Variants in HEATR4 observed in about 807,000 individuals in gnomAD.
HEATR4 encodes HEAT repeat containing 4, also known as HEAT repeat-containing protein 4.
HEATR4 carries 95 observed loss-of-function variants against 108.8 expected under a neutral mutation model. That is an observed-to-expected ratio of 0.87 (90% CI 0.74 to 1.04). The LOEUF (loss-of-function observed/expected upper bound fraction) is 1.04. HEATR4 is among the 50% of genes least tolerant of loss of function. The pLI is 0.00. For missense variants in HEATR4, 1,152 were observed against 1,253.8 expected (o/e 0.92, Z 1.23); for synonymous variants, 443 against 459.4 (o/e 0.96, Z 0.46).
At chr14:73,512,887 A>G (rs1887351634) in intron 6 of HEATR4, among the ~76,000 whole-genome samples, 1 of 152,132 alleles carries the variant, frequency 6.6e-6, no homozygotes, top group Non-Finnish European at 1.5e-5. Context: ...GCACTAACTA[A>G]GCTTGTCTAT....
At chr14:73,505,319 T>C (rs1886739334) in intron 10 of HEATR4, among the ~76,000 whole-genome samples, 1 of 152,200 alleles carries the variant, frequency 6.6e-6, no homozygotes, top group African/African-American at 2.4e-5. Flanking sequence ...CTTGAATCAT[T>C]TGTGTATATT....
At chr14:73,604,903 G>C in the HEATR4 span, among the ~76,000 whole-genome samples, 2 of 152,166 alleles carry the variant, frequency 1.3e-5, no homozygotes, top group Non-Finnish European at 2.9e-5. Flanking sequence ...GACAAAAACA[G>C]ATTTTGAGAG....
intron 6 of HEATR4, among the ~76,000 whole-genome samples, chr14:73,512,800 T>C (rs1449854267): frequency 6.6e-6 from 1 of 152,248 alleles, no homozygotes; most frequent in African/African-American, 2.4e-5. Flanking sequence ...TCCTATTATC[T>C]GTAGGTGTTT....
the HEATR4 span, among the ~76,000 whole-genome samples, chr14:73,564,815 C>A: frequency 6.8e-6 from 1 of 147,002 alleles, no homozygotes; most frequent in Non-Finnish European, 1.5e-5. Flanking sequence ...CAATCTCCTG[C>A]CTAGGACTCC....
At chr14:73,512,896 A>T (rs147718212) in intron 6 of HEATR4, among the ~76,000 whole-genome samples, 1 of 152,168 alleles carries the variant, frequency 6.6e-6, no homozygotes, top group African/African-American at 2.4e-5. Context: ...AAGCTTGTCT[A>T]TCATGTTCTG....
At position 73,548,413 on chromosome 14, in the gene HEATR4, C is replaced by T. The variant is rs1255763290; in HGVS notation, c.-152+10338G>A. ...AGGAGTTGTCGGGTGGCGTGACCTG[C>T]TCCACTGGCTTGTTTTGAAGTATTG... On this transcript the variant is annotated intron_variant, in intron 1 of 17. Coordinates refer to ENST00000553558, the MANE Select transcript of HEATR4 (RefSeq NM_001220484.1). Among the ~76,000 whole-genome samples, 7 of 114,790 alleles carry T rather than the reference C, an allele frequency of 6.1e-5. 1 individual carries two copies. Among genetic ancestry groups the T allele is most frequent in the Non-Finnish European group, 1.3e-4 (7 of 52,646 alleles). The allele number at this position is 114,790 out of a possible 152,430, so 75.3% of individuals were successfully genotyped here. A position where few individuals can be genotyped will look rare whatever the true frequency, so the allele number is the denominator to read the frequency against.
the HEATR4 span, among the ~76,000 whole-genome samples, chr14:73,601,520 C>T: frequency 2.1e-3 from 316 of 152,044 alleles, 5 homozygotes; most frequent in Admixed American, 0.016. Flanking sequence ...GCTGAGATCG[C>T]GCCACTGCAT....
intron 14 of HEATR4, among the ~76,000 whole-genome samples, 163 bp downstream of exon 14, chr14:73,497,992 G>T (rs1386968399): frequency 6.6e-6 from 1 of 152,138 alleles, no homozygotes; most frequent in Non-Finnish European, 1.5e-5. Context: ...TCTAATTTAG[G>T]CCAGTTTTTC....
In HEATR4 at chr14:73,504,684, T is replaced by C. The variant is rs151298061; in HGVS notation, c.1987-1671A>G. On this transcript the variant is annotated intron_variant, in intron 10 of 17. Transcript: ENST00000553558. ...GTGATTACTGTACTGAGTGGCCAGATTTTGTGCTTCCCATATCAAAATGTC... is the reference window on the plus strand; with the variant it reads ...GTGATTACTGTACTGAGTGGCCAGACTTTGTGCTTCCCATATCAAAATGTC... Among the ~76,000 whole-genome samples, 9 of 152,310 alleles carry C rather than the reference T, an allele frequency of 5.9e-5. No homozygotes were observed. In the East Asian group the frequency reaches 1.7e-3, roughly 29 times the overall value.
At chr14:73,498,491 T>C (rs1429509633) in intron 13 of HEATR4, 147 bp from the exon 14 acceptor site, 5 of 649,230 alleles carry the variant, frequency 7.7e-6, no homozygotes, top group Non-Finnish European at 1.3e-5. Flanking sequence ...AATGGGACAT[T>C]ACCTCCAAAG....
the HEATR4 span, among the ~76,000 whole-genome samples, chr14:73,578,814 C>T: frequency 2.0e-5 from 3 of 151,536 alleles, no homozygotes; most frequent in Non-Finnish European, 4.4e-5. Context: ...TGGCCAGGCG[C>T]GGTGGCTCAT....
Position 73,542,821 on chromosome 14 carries a change from A to G in HEATR4, c.-151-12577T>C, listed in dbSNP as rs551276440. Among the ~76,000 whole-genome samples, 3 of 112,390 alleles carry G rather than the reference A, an allele frequency of 2.7e-5. 1 individual carries two copies. The highest frequency in any genetic ancestry group is 5.7e-5 in the Non-Finnish European group (3 of 52,442). The allele number at this position is 112,390 out of a possible 152,430, so 73.7% of individuals were successfully genotyped here. On this transcript the variant is annotated intron_variant, in intron 1 of 17. Transcript: ENST00000553558. ...GATAATGAGATTAAGGAACTGAGAAACCAGAGTAATTGATAGATCTTCCAC... is the reference window on the plus strand; with the variant it reads ...GATAATGAGATTAAGGAACTGAGAAGCCAGAGTAATTGATAGATCTTCCAC...
chr14:73,562,728 G>A (rs1054957410), upstream of HEATR4, among the ~76,000 whole-genome samples: 8 of 151,894 alleles, frequency 5.3e-5, no homozygotes, highest in African/African-American at 1.9e-4. Context: ...ACTGAGATAC[G>A]CCCTGGTCTC....
chr14:73,498,937 A>C (rs1886255975), intron 13 of HEATR4, 134 bp downstream of exon 13: 1 of 751,698 alleles, frequency 1.3e-6, no homozygotes. Flanking sequence ...CTTTTCAGAC[A>C]AGGAACTTCT....
the HEATR4 span, chr14:73,596,627 G>GTT: frequency 6.6e-6 from 1 of 151,934 alleles, no homozygotes; most frequent in East Asian, 1.9e-4. Context: ...TTGAGACAGA[G>GTT]TCACTCTGTT....
the HEATR4 span, among the ~76,000 whole-genome samples, chr14:73,578,861 C>T: frequency 1.3e-5 from 2 of 151,414 alleles, no homozygotes; most frequent in Non-Finnish European, 2.9e-5. Flanking sequence ...TTATGGTGGG[C>T]AGTCACGAGG....
chr14:73,531,486 T>A lies in HEATR4; in HGVS notation c.-151-1242A>T, dbSNP rs191074457. Among the ~76,000 whole-genome samples, 3 of 104,542 alleles carry A rather than the reference T, an allele frequency of 2.9e-5. 1 individual carries two copies. Among genetic ancestry groups the A allele is most frequent in the Admixed American group, 2.2e-4 (2 of 9,062 alleles). The allele number at this position is 104,542 out of a possible 152,430, so 68.6% of individuals were successfully genotyped here. On this transcript the variant is annotated intron_variant, in intron 1 of 17. Coordinates refer to ENST00000553558, the MANE Select transcript of HEATR4 (RefSeq NM_001220484.1). Reference sequence around the variant, plus strand: ...CCCAGGCTGGAGTGCAGTGGTGTGATCTTGGCTCACTGCAACCTCTGCCTC... The same window carrying A: ...CCCAGGCTGGAGTGCAGTGGTGTGAACTTGGCTCACTGCAACCTCTGCCTC...
chr14:73,545,091 T>C (rs1237946890), intron 1 of HEATR4, among the ~76,000 whole-genome samples: 3 of 106,918 alleles, frequency 2.8e-5, no homozygotes, highest in African/African-American at 9.1e-5. Flanking sequence ...CAGGGTCTCA[T>C]TCTGTTGCCC....
intron 4 of HEATR4, chr14:73,520,210 T>C (rs758053): frequency 0.76 from 116,042 of 152,098 alleles, 44,460 homozygotes; most frequent in East Asian, 0.92. Context: ...AGACCTAGAT[T>C]GAGTATCCTG....
Sources: gnomAD v4.1 joint callset for allele counts (sites outside exome capture counted in the v4.1 genomes callset) on GRCh38, gnomAD v4.1.1 for gene constraint, MANE v1.5 for transcripts, NCBI Gene and HGNC (gene_info 2026-07-23, HGNC 2026-07-21) for gene names.